The following MDGA2 variants were observed in gnomAD, a reference collection of about 807,000 sequenced individuals.
The protein encoded by MDGA2 is MAM domain containing glycosylphosphatidylinositol anchor 2, also known as MAM domain-containing glycosylphosphatidylinositol anchor protein 2.
Under a neutral mutation model 117.8 loss-of-function variants are expected in MDGA2, and 40 were observed. The observed-to-expected ratio is 0.34, with a 90% CI of 0.26 to 0.44. The LOEUF (loss-of-function observed/expected upper bound fraction) is 0.44, where lower values mean the gene tolerates loss of function less well. Ranked by LOEUF, MDGA2 falls within the 20% of genes least tolerant of loss-of-function variation. The pLI, the probability that MDGA2 is intolerant of heterozygous loss-of-function variation, is 1.00. For missense variants in MDGA2, 1,123 were observed against 1,250.6 expected, an observed-to-expected ratio of 0.90 and a Z score of 1.54; for synonymous variants, 452 against 439.0, an observed-to-expected ratio of 1.03 and a Z score of -0.37.
chr14:47,327,729 G>A (rs185310197), intron 1 of MDGA2, among the ~76,000 whole-genome samples: 11 of 152,224 alleles, frequency 7.2e-5, no homozygotes, highest in Admixed American at 5.2e-4. Context: ...TTATATGTGT[G>A]TATTTCCATG....
intron 2 of MDGA2, among the ~76,000 whole-genome samples, chr14:47,235,900 T>C (rs1427943514): frequency 6.6e-6 from 1 of 152,114 alleles, no homozygotes; most frequent in Non-Finnish European, 1.5e-5. Context: ...CAGGAAGCCA[T>C]ATCTGAAGGC....
intron 3 of MDGA2, among the ~76,000 whole-genome samples, chr14:47,177,800 T>G (rs544652046): frequency 3.3e-5 from 5 of 152,186 alleles, no homozygotes; most frequent in Non-Finnish European, 7.4e-5. Context: ...TAAAGTATAA[T>G]AAAATAAAAT....
At chr14:47,440,262 G>A (rs916065991) in intron 1 of MDGA2, among the ~76,000 whole-genome samples, 2 of 152,124 alleles carry the variant, frequency 1.3e-5, no homozygotes, top group African/African-American at 2.4e-5. Context: ...AGACCTTAAT[G>A]AGGACGTATA....
At chr14:47,389,017 T>C (rs547939883) in intron 1 of MDGA2, among the ~76,000 whole-genome samples, 68 of 152,334 alleles carry the variant, frequency 4.5e-4, no homozygotes, top group African/African-American at 1.5e-3. Context: ...ATGTTAAAAA[T>C]TCCATTGCAA....
At chr14:47,653,850 G>A (rs774017023) in intron 1 of MDGA2, among the ~76,000 whole-genome samples, 1 of 152,170 alleles carries the variant, frequency 6.6e-6, no homozygotes, top group Non-Finnish European at 1.5e-5. Context: ...CAGGCCACAA[G>A]CCAAGACATA....
chr14:47,086,103 T>C (rs1168498618), intron 6 of MDGA2, among the ~76,000 whole-genome samples: 1 of 129,586 alleles, frequency 7.7e-6, no homozygotes, highest in African/African-American at 2.6e-5. Context: ...GGTTTTTTTT[T>C]TTTGTTTTTT....
rs368208373 is a variant in MDGA2 at position 46,855,171 on chromosome 14, A to C, written c.2753-17T>G. On this transcript the variant is annotated splice_polypyrimidine_tract_variant and intron_variant, in intron 14 of 16. Transcript: ENST00000399232. The surrounding 1 kb of genome is among the most constrained non-coding windows in gnomAD (Gnocchi z 4.1). The stretch of plus-strand genomic sequence containing the variant: ...TTAAGACACCTAAAAATGACAATAA[A>C]ATTTTATTTTGCATATTCATTTTCA... The C allele has an allele frequency of 2.5e-6, 4 of 1,586,994 alleles. No individual in the cohort carries two copies. Among genetic ancestry groups the C allele is most frequent in the African/African-American group, 2.7e-5 (2 of 73,152 alleles).
intron 1 of MDGA2, among the ~76,000 whole-genome samples, chr14:47,452,734 G>T (rs1057279663): frequency 2.6e-5 from 4 of 151,900 alleles, no homozygotes; most frequent in Non-Finnish European, 5.9e-5. Flanking sequence ...TCTAGATGGG[G>T]TCATTTAACT....
intron 9 of MDGA2, among the ~76,000 whole-genome samples, chr14:46,944,468 A>G (rs559271182): frequency 6.6e-6 from 1 of 152,006 alleles, no homozygotes; most frequent in Non-Finnish European, 1.5e-5. Flanking sequence ...TGCCTTGTGC[A>G]CCATGATATG....
chr14:47,475,704 C>G (rs561975146), intron 1 of MDGA2, among the ~76,000 whole-genome samples: 1 of 152,280 alleles, frequency 6.6e-6, no homozygotes, highest in Admixed American at 6.5e-5. Context: ...AGCCATTACC[C>G]TCAGCAAACT....
intron 1 of MDGA2, among the ~76,000 whole-genome samples, chr14:47,476,296 CATAA>C (rs1267914200): frequency 2.0e-5 from 3 of 151,716 alleles, no homozygotes; most frequent in Admixed American, 6.6e-5. Flanking sequence ...ACAAAACTCT[CATAA>C]ATGTTTATAA....
At chr14:46,891,048 A>G (rs1882864420) in intron 10 of MDGA2, among the ~76,000 whole-genome samples, 1 of 152,044 alleles carries the variant, frequency 6.6e-6, no homozygotes, top group Non-Finnish European at 1.5e-5. Flanking sequence ...GATGAAAACA[A>G]AGACTGTCAT....
intron 8 of MDGA2, among the ~76,000 whole-genome samples, chr14:47,023,405 A>T (rs1888364562): frequency 6.6e-6 from 1 of 152,144 alleles, no homozygotes; most frequent in Non-Finnish European, 1.5e-5. Flanking sequence ...GGCAACCTTA[A>T]GGAGTACTAC....
chr14:47,106,556 G>A (rs1880694091), intron 5 of MDGA2, among the ~76,000 whole-genome samples: 1 of 151,902 alleles, frequency 6.6e-6, no homozygotes, highest in South Asian at 2.1e-4. Context: ...AAATCGGACT[G>A]TTCAACTCAC....
At chr14:47,191,052 T>C (rs1264498060) in intron 3 of MDGA2, among the ~76,000 whole-genome samples, 1 of 152,088 alleles carries the variant, frequency 6.6e-6, no homozygotes, top group African/African-American at 2.4e-5. Flanking sequence ...TAGGGAAGGA[T>C]AGTTTTTCAA....
At chr14:47,256,596 A>T (rs1032446848) in intron 2 of MDGA2, among the ~76,000 whole-genome samples, 1 of 152,160 alleles carries the variant, frequency 6.6e-6, no homozygotes, top group African/African-American at 2.4e-5. Flanking sequence ...ACAAAATGTC[A>T]TTTCTCTGGA....
chr14:47,159,190 T>C (rs1307178975), intron 3 of MDGA2, among the ~76,000 whole-genome samples: 1 of 152,178 alleles, frequency 6.6e-6, no homozygotes, highest in African/African-American at 2.4e-5. Context: ...AACTATGGAC[T>C]TGGGTGATAA....
At chr14:47,413,976 G>A (rs1272246151) in intron 1 of MDGA2, among the ~76,000 whole-genome samples, 1 of 152,050 alleles carries the variant, frequency 6.6e-6, no homozygotes, top group African/African-American at 2.4e-5. Flanking sequence ...GGAAAGAAGA[G>A]TACCAGATGC....
At chr14:46,865,710 G>A (rs4418976) in intron 14 of MDGA2, among the ~76,000 whole-genome samples, 30,977 of 151,386 alleles carry the variant, frequency 0.2, 3,647 homozygotes, top group South Asian at 0.39. Flanking sequence ...ATACAAAATC[G>A]ATGTACAAAA....
Sources: gnomAD v4.1 joint callset for allele counts (sites outside exome capture counted in the v4.1 genomes callset) on GRCh38, gnomAD v4.1.1 for gene constraint, Gnocchi (gnomAD v3.1) non-coding constraint, MANE v1.5 for transcripts, NCBI Gene and HGNC (gene_info 2026-07-23, HGNC 2026-07-21) for gene names.